The following QKI variants were observed in gnomAD, a reference collection of about 807,000 sequenced individuals.
QKI encodes KH domain-containing RNA-binding protein QKI.
A neutral mutation model predicts 39.0 loss-of-function variants in QKI; 10 were observed. The observed-to-expected ratio is 0.26, with a 90% CI of 0.16 to 0.43. The LOEUF (loss-of-function observed/expected upper bound fraction) is 0.43, where lower values mean the gene tolerates loss of function less well. QKI is among the 20% of genes least tolerant of loss of function. The pLI is 1.00. For synonymous variants in QKI, 204 were observed against 155.4 expected, an observed-to-expected ratio of 1.31 and a Z score of -2.33; for missense variants, 218 against 428.0, an observed-to-expected ratio of 0.51 and a Z score of 4.33.
chr6:163,470,041 A>T (rs1356088207), intron 2 of QKI, among the ~76,000 whole-genome samples: 1 of 152,162 alleles, frequency 6.6e-6, no homozygotes, highest in African/African-American at 2.4e-5. Context: ...GAAAAAAAAT[A>T]ACTGAACACA....
At chr6:163,507,950 A>G (rs1309631172) in intron 3 of QKI, among the ~76,000 whole-genome samples, 1 of 152,196 alleles carries the variant, frequency 6.6e-6, no homozygotes, top group Non-Finnish European at 1.5e-5. Flanking sequence ...ATACAGAAAG[A>G]CAGTTCTTAC....
At chr6:163,469,567 C>T (rs1039557346) in intron 2 of QKI, among the ~76,000 whole-genome samples, 1 of 152,162 alleles carries the variant, frequency 6.6e-6, no homozygotes, top group African/African-American at 2.4e-5. Context: ...TCGTTATTCT[C>T]AATCCTTCAC....
At chr6:163,433,281 G>A (rs73787643) in intron 1 of QKI, among the ~76,000 whole-genome samples, 4,736 of 152,232 alleles carry the variant, frequency 0.031, 241 homozygotes, top group African/African-American at 0.11. Flanking sequence ...GATATTTAAA[G>A]ACAGATGGCT....
chr6:163,441,947 A>G (rs1191600914), intron 1 of QKI, among the ~76,000 whole-genome samples: 1 of 152,226 alleles, frequency 6.6e-6, no homozygotes, highest in Non-Finnish European at 1.5e-5. Context: ...CTGGGCTTTT[A>G]TACCAACTGA....
intron 3 of QKI, among the ~76,000 whole-genome samples, chr6:163,528,527 A>T (rs1297520809): frequency 6.6e-6 from 1 of 152,160 alleles, no homozygotes; most frequent in African/African-American, 2.4e-5. Context: ...TCCCAGGTTC[A>T]TGTAACTTAT....
intron 1 of QKI, chr6:163,416,043 C>G (rs917845768): frequency 3.2e-5 from 2 of 61,676 alleles, no homozygotes; most frequent in African/African-American, 9.3e-5. Context: ...TTGAACTTCA[C>G]TTTTCGGGGG....
rs1787316949 is a variant in QKI at position 163,415,083 on chromosome 6, G to A, written c.-111G>A. 7.2e-6 allele frequency: 7 copies of A among 977,368 alleles called. No individual in the cohort carries two copies. The highest frequency in any genetic ancestry group is 8.5e-6 in the Non-Finnish European group (7 of 819,720). 60.5% of individuals were successfully genotyped at this position (977,368 alleles called of 1,614,324 possible). A position where few individuals can be genotyped will look rare whatever the true frequency, so the allele number is the denominator to read the frequency against. On this transcript the variant is annotated 5_prime_UTR_variant, in exon 1 of 8. Coordinates refer to ENST00000361752, the MANE Select transcript of QKI (RefSeq NM_006775.3). ...GAGCCAGAGCGGGAGCCGGCGCGGA[G>A]CGGGACGCCGGGTCCCGAGCGGCCC... is the stretch of plus-strand genomic sequence containing the variant.
At chr6:163,419,851 TA>T (rs1787848119) in intron 1 of QKI, among the ~76,000 whole-genome samples, 1 of 152,224 alleles carries the variant, frequency 6.6e-6, no homozygotes, top group South Asian at 2.1e-4. Context: ...CACTTTTTCT[TA>T]AATGACTGAG....
intron 4 of QKI, among the ~76,000 whole-genome samples, chr6:163,552,512 A>G (rs1484480832): frequency 6.6e-6 from 1 of 152,040 alleles, no homozygotes; most frequent in African/African-American, 2.4e-5. Flanking sequence ...GCCCAGCCTC[A>G]TAAAGTTCTT....
At chr6:163,480,135 A>G (rs534013667) in intron 3 of QKI, among the ~76,000 whole-genome samples, 1 of 152,312 alleles carries the variant, frequency 6.6e-6, no homozygotes, top group Admixed American at 6.5e-5. Context: ...CAATACTGTG[A>G]GGCAGGATAG....
intron 1 of QKI, among the ~76,000 whole-genome samples, chr6:163,418,713 C>T (rs3903714): frequency 0.028 from 4,236 of 152,148 alleles, 191 homozygotes; most frequent in African/African-American, 0.096. Flanking sequence ...GAGACGTTTT[C>T]AACTGAACCC....
At chr6:163,460,836 C>T (rs1791297953) in intron 2 of QKI, among the ~76,000 whole-genome samples, 1 of 151,772 alleles carries the variant, frequency 6.6e-6, no homozygotes, top group African/African-American at 2.4e-5. Flanking sequence ...TTTTCAATAC[C>T]CAGGTTAACA....
At chr6:163,465,074 A>G (rs2759399) in intron 2 of QKI, among the ~76,000 whole-genome samples, 53,797 of 152,062 alleles carry the variant, frequency 0.35, 10,842 homozygotes, top group African/African-American at 0.54. Flanking sequence ...CAGAATGAAA[A>G]ATAAAAACCA....
At chr6:163,446,201 A>G (rs989462643) in intron 1 of QKI, among the ~76,000 whole-genome samples, 7 of 152,110 alleles carry the variant, frequency 4.6e-5, no homozygotes, top group Admixed American at 2.6e-4. Flanking sequence ...ATTTATATCA[A>G]TCTTTTCTTA....
intron 3 of QKI, among the ~76,000 whole-genome samples, chr6:163,487,919 T>C (rs73784425): frequency 0.02 from 3,086 of 152,242 alleles, 103 homozygotes; most frequent in African/African-American, 0.07. Flanking sequence ...TATATTCTGT[T>C]TCTTCATTCA....
At chr6:163,535,821 A>G (rs1001746940) in intron 4 of QKI, among the ~76,000 whole-genome samples, 1 of 152,064 alleles carries the variant, frequency 6.6e-6, no homozygotes, top group East Asian at 1.9e-4. Flanking sequence ...AATCCCAGCT[A>G]CTTGGGAGGC....
intron 3 of QKI, among the ~76,000 whole-genome samples, chr6:163,513,672 TCTC>T (rs1215107585): frequency 1.3e-5 from 2 of 152,138 alleles, no homozygotes; most frequent in Admixed American, 6.5e-5. Flanking sequence ...GACTTACTAT[TCTC>T]CTCTAGAATT....
chr6:163,421,038 GT>G (rs1215535665), intron 1 of QKI, among the ~76,000 whole-genome samples: 1 of 151,606 alleles, frequency 6.6e-6, no homozygotes, highest in Non-Finnish European at 1.5e-5. Flanking sequence ...TTGATTTCTA[GT>G]TTCTCAAAGA....
chr6:163,530,394 A>G (rs1385002697), intron 3 of QKI, among the ~76,000 whole-genome samples: 2 of 152,212 alleles, frequency 1.3e-5, no homozygotes, highest in African/African-American at 2.4e-5. Flanking sequence ...TAACCATCCT[A>G]TAATTGCATC....
Sources: allele counts gnomAD v4.1 joint callset (sites outside exome capture counted in the v4.1 genomes callset), GRCh38; gene constraint gnomAD v4.1.1; transcripts MANE v1.5; gene names NCBI Gene and HGNC (gene_info 2026-07-23, HGNC 2026-07-21).